PKDCC: variants seen among roughly 807,000 people sequenced by gnomAD.
PKDCC encodes extracellular tyrosine-protein kinase PKDCC.
A neutral mutation model predicts 44.7 loss-of-function variants in PKDCC; 35 were observed. The ratio of observed to expected loss-of-function variants is 0.78; its 90% CI spans 0.60 to 1.04. The LOEUF (loss-of-function observed/expected upper bound fraction) is 1.04. Ranked by LOEUF, PKDCC falls within the 50% of genes least tolerant of loss-of-function variation. The pLI, the probability that PKDCC is intolerant of heterozygous loss-of-function variation, is 0.00. For missense variants in PKDCC, 738 were observed against 672.7 expected, an observed-to-expected ratio of 1.10 and a Z score of -1.07; for synonymous variants, 353 against 303.3, an observed-to-expected ratio of 1.16 and a Z score of -1.70.
chr2:42,057,447 G>A, intron 6 of PKDCC, 53 bp downstream of exon 6: 1 of 1,607,414 alleles, frequency 6.2e-7, no homozygotes, highest in Non-Finnish European at 8.5e-7. Context: ...CTCTCTGGAG[G>A]TTGATAGATA....
Position 42,048,226 on chromosome 2 carries a change from C to T in PKDCC, c.27C>T (p.Ala9=), listed in dbSNP as rs1453942636. ...TGCGGCGCCGGCGGGCGGCAGTGGC[C>T]GCGGGTTTCTGCGCCTCCTTCCTGC... is the stretch of plus-strand genomic sequence containing the variant. The part of the protein sequence containing the change: MRRRRAAV[A]AGFCASFLLG... Residue 9 remains alanine, a synonymous_variant, in exon 1 of 7, where the codon GCC becomes GCT. Coordinates refer to ENST00000294964, the MANE Select transcript of PKDCC (RefSeq NM_138370.3). The surrounding 1 kb of genome is among the most constrained non-coding windows in gnomAD (Gnocchi z 6.2). 1 of 1,242,960 alleles carries T rather than the reference C, an allele frequency of 8.0e-7. No homozygotes were observed. The allele number at this position is 1,242,960 out of a possible 1,614,324, so 77.0% of individuals were successfully genotyped here. A position where few individuals can be genotyped will look rare whatever the true frequency, so the allele number is the denominator to read the frequency against.
chr2:42,054,299 T>C lies in PKDCC; in HGVS notation c.1026T>C (p.Asn342=), dbSNP rs371967754. 1.3e-4 allele frequency: 201 copies of C among 1,598,976 alleles called. No individual in the cohort carries two copies. Among genetic ancestry groups the C allele is most frequent in the Admixed American group, 7.2e-4 (42 of 58,710 alleles). Residue 342 remains asparagine, a synonymous_variant, in exon 3 of 7, where the codon AAT becomes AAC. Coordinates refer to ENST00000294964, the MANE Select transcript of PKDCC (RefSeq NM_138370.3). This position sits in a 1 kb window ranked among gnomAD's most constrained non-coding sequence, Gnocchi z 6.1. ...EGMNEKRNLY[N]AYRFFFTYLL... ...TGAACGAGAAGCGGAACCTCTATAA[T>C]GCCTACAGGTGACCTCCACCCCTGA...
rs1010318457 is a variant in PKDCC at position 42,048,787 on chromosome 2, G to A, written c.588G>A (p.Leu196=). Residue 196 remains leucine, a synonymous_variant, in exon 1 of 7, where the codon CTG becomes CTA. Coordinates refer to ENST00000294964, the MANE Select transcript of PKDCC (RefSeq NM_138370.3). The surrounding 1 kb of genome is among the most constrained non-coding windows in gnomAD (Gnocchi z 6.2). The part of the protein sequence containing the change: ...RGCYRLAAHK[L]LKEMVLLERL... The stretch of plus-strand genomic sequence containing the variant: ...GCTATCGGCTGGCGGCCCACAAGCT[G>A]CTTAAGGAGATGGTGCTGCTGGAGC... 6 of 1,505,082 alleles carry A rather than the reference G, an allele frequency of 4.0e-6. No homozygotes were observed. Among genetic ancestry groups the A allele is most frequent in the Non-Finnish European group, 5.4e-6 (6 of 1,119,722 alleles). The allele number at this position is 1,505,082 out of a possible 1,614,324, so 93.2% of individuals were successfully genotyped here. A position where few individuals can be genotyped will look rare whatever the true frequency, so the allele number is the denominator to read the frequency against.
In PKDCC at chr2:42,051,780, G is replaced by A. The variant is rs1200467434; in HGVS notation, c.640-1459G>A. Among the ~76,000 whole-genome samples the A allele has an allele frequency of 6.6e-6, 1 of 152,114 alleles. No homozygotes were observed. Among genetic ancestry groups the A allele is most frequent in the African/African-American group, 2.4e-5 (1 of 41,438 alleles). ...GCCCAAGAGTGAGGCCTTCCCCCAT[G>A]CCAGCAGGATGACGGGGAGCTGAGG... On this transcript the variant is annotated intron_variant, in intron 1 of 6. Coordinates refer to ENST00000294964, the MANE Select transcript of PKDCC (RefSeq NM_138370.3). This position sits in a 1 kb window ranked among gnomAD's most constrained non-coding sequence, Gnocchi z 4.2.
chr2:42,048,122 A>C lies in PKDCC; in HGVS notation c.-78A>C, dbSNP rs1261630837. 1 of 817,484 alleles carries C rather than the reference A, an allele frequency of 1.2e-6. No homozygotes were observed. The highest frequency in any genetic ancestry group is 2.3e-5 in the African/African-American group (1 of 43,476). The allele number at this position is 817,484 out of a possible 1,614,324, so 50.6% of individuals were successfully genotyped here. ...AGGGGGCCGGCGGGGCGCAGAGCGG[A>C]GCCGCCTCGGAGCCTGAGCCGCCCG... On this transcript the variant is annotated 5_prime_UTR_variant, in exon 1 of 7. Coordinates refer to ENST00000294964, the MANE Select transcript of PKDCC (RefSeq NM_138370.3). This position sits in a 1 kb window ranked among gnomAD's most constrained non-coding sequence, Gnocchi z 6.2.
chr2:42,053,190 T>TGC, intron 1 of PKDCC, 49 bp from the exon 2 acceptor site: 421 of 1,199,794 alleles, frequency 3.5e-4, no homozygotes, highest in Middle Eastern at 8.8e-4. Flanking sequence ...CCCTTCCCTG[T>TGC]CCCCACCCCC....
In PKDCC at chr2:42,053,222, C is replaced by A; in HGVS notation, c.640-17C>A. The A allele has an allele frequency of 6.3e-7, 1 of 1,579,918 alleles. No individual in the cohort carries two copies. The highest frequency in any genetic ancestry group is 1.1e-5 in the South Asian group (1 of 88,452). Reference sequence around the variant, plus strand: ...CCCCACCCTGTGACCTAATGACCTGCCCTCGGCTTTCCCCAGCTCTATGGC... The same window carrying A: ...CCCCACCCTGTGACCTAATGACCTGACCTCGGCTTTCCCCAGCTCTATGGC... On this transcript the variant is annotated splice_polypyrimidine_tract_variant and intron_variant, in intron 1 of 6. Coordinates refer to ENST00000294964, the MANE Select transcript of PKDCC (RefSeq NM_138370.3).
At chr2:42,057,504 G>T in intron 6 of PKDCC, 99 bp from the exon 7 acceptor site, 1 of 1,552,724 alleles carries the variant, frequency 6.4e-7, no homozygotes, top group East Asian at 2.3e-5. Flanking sequence ...TGATGAGAGA[G>T]AGGTATACGT....
Position 42,048,806 on chromosome 2 carries a change from C to T in PKDCC, c.607C>T (p.Leu203=). Residue 203 remains leucine, a synonymous_variant, in exon 1 of 7, where the codon CTG becomes TTG. Transcript: ENST00000294964. This position sits in a 1 kb window ranked among gnomAD's most constrained non-coding sequence, Gnocchi z 6.2. ...AHKLLKEMVL[L]ERLRHPNVLQ... is the part of the protein sequence containing the mutation. ...CAAGCTGCTTAAGGAGATGGTGCTG[C>T]TGGAGCGGCTGCGGCACCCCAACGT... is the stretch of plus-strand genomic sequence containing the variant. 6.8e-7 allele frequency: 1 copy of T among 1,475,632 alleles called. No homozygotes were observed. 91.4% of individuals were successfully genotyped at this position (1,475,632 alleles called of 1,614,324 possible).
intron 2 of PKDCC, among the ~76,000 whole-genome samples, chr2:42,053,789 T>C (rs529288528): frequency 6.6e-6 from 1 of 152,222 alleles, no homozygotes; most frequent in African/African-American, 2.4e-5. Context: ...CCCCAGACCC[T>C]CGCTGCTGCA....
At chr2:42,057,568 A>C in intron 6 of PKDCC, 35 bp from the exon 7 acceptor site, 1 of 1,605,218 alleles carries the variant, frequency 6.2e-7, no homozygotes, top group African/African-American at 1.3e-5. Context: ...AAAGAGAAAC[A>C]TCCAGCCCTG....
At chr2:42,053,611 G>A in intron 2 of PKDCC, 1 of 557,184 alleles carries the variant, frequency 1.8e-6, no homozygotes, top group East Asian at 3.1e-5. Flanking sequence ...TGTGGGGGCT[G>A]GCACCTTAAA....
intron 5 of PKDCC, among the ~76,000 whole-genome samples, chr2:42,056,060 G>A (rs1668048343): frequency 6.6e-6 from 1 of 152,172 alleles, no homozygotes. Flanking sequence ...TAGGGGTGGG[G>A]GAGCCCTGTT....
At position 42,048,861 on chromosome 2, in the gene PKDCC, G is replaced by T. The variant is rs763846436; in HGVS notation, c.639+23G>T. ...CAGGTACGAGGGTGGGGACGCGGGGGTAACGGTGTTGGCTGGGAGTGCCCA... is the reference window on the plus strand; with the variant it reads ...CAGGTACGAGGGTGGGGACGCGGGGTTAACGGTGTTGGCTGGGAGTGCCCA... On this transcript the variant is annotated intron_variant, in intron 1 of 6. Coordinates refer to ENST00000294964, the MANE Select transcript of PKDCC (RefSeq NM_138370.3). This position sits in a 1 kb window ranked among gnomAD's most constrained non-coding sequence, Gnocchi z 6.2. 6.9e-7 allele frequency: 1 copy of T among 1,454,814 alleles called. No homozygotes were observed. The allele number at this position is 1,454,814 out of a possible 1,614,324, so 90.1% of individuals were successfully genotyped here. A position where few individuals can be genotyped will look rare whatever the true frequency, so the allele number is the denominator to read the frequency against.
intron 5 of PKDCC, among the ~76,000 whole-genome samples, chr2:42,056,627 G>T (rs998648923): frequency 3.9e-5 from 6 of 152,060 alleles, no homozygotes; most frequent in African/African-American, 1.4e-4. Flanking sequence ...GGTTGGGCAT[G>T]GTGGCTTACA....
rs1668027430 is a variant in PKDCC, at chr2:42,054,895, T to C, written c.1035-46T>C. On this transcript the variant is annotated intron_variant, in intron 3 of 6. Transcript: ENST00000294964. This position sits in a 1 kb window ranked among gnomAD's most constrained non-coding sequence, Gnocchi z 6.1. Reference sequence around the variant, plus strand: ...CAGGTTGGAATAGAGGAAGGATGTGTCTCCAAAGGCTGGATTCCTGAGCCA... The same window carrying C: ...CAGGTTGGAATAGAGGAAGGATGTGCCTCCAAAGGCTGGATTCCTGAGCCA... 1 of 1,541,230 alleles carries C rather than the reference T, an allele frequency of 6.5e-7. No homozygotes were observed. Among genetic ancestry groups the C allele is most frequent in the Non-Finnish European group, 9.0e-7 (1 of 1,113,690 alleles).
chr2:42,057,434 G>A (rs370214068), intron 6 of PKDCC, 40 bp downstream of exon 6: 5 of 1,612,010 alleles, frequency 3.1e-6, no homozygotes, highest in Non-Finnish European at 4.2e-6. Flanking sequence ...GAGATGGCAG[G>A]ACCTCTCTGG....
rs1313875059 is a variant in PKDCC at position 42,054,743 on chromosome 2, T to C, written c.1035-198T>C. 3.3e-5 allele frequency: 21 copies of C among 645,838 alleles called. No individual in the cohort carries two copies. Among genetic ancestry groups the C allele is most frequent in the Non-Finnish European group, 5.5e-5 (20 of 360,508 alleles). 40.0% of individuals were successfully genotyped at this position (645,838 alleles called of 1,614,324 possible). On this transcript the variant is annotated intron_variant, in intron 3 of 6. Coordinates refer to ENST00000294964, the MANE Select transcript of PKDCC (RefSeq NM_138370.3). The surrounding 1 kb of genome is among the most constrained non-coding windows in gnomAD (Gnocchi z 6.1). ...GAAGCAGGCCCCTGGTTTCGGTTAG[T>C]ATGAAGTTAGGTGTGGTGTTAGCAT...
chr2:42,054,087 G>A lies in PKDCC; in HGVS notation c.814G>A (p.Gly272Ser). ...CCACCACCTGGCCCACTCCCCACTG[G>A]GCTCCGTCACTCTGCTGGACTTCCG... ...LLHHLAHSPL[G>S]SVTLLDFRPR... Residue 272 changes from glycine (G) to serine (S), a missense_variant, in exon 3 of 7, where the codon GGC becomes AGC. Physicochemically the swap from Gly to Ser is moderately conservative, Grantham distance 56. Transcript: ENST00000294964. This position sits in a 1 kb window ranked among gnomAD's most constrained non-coding sequence, Gnocchi z 6.1. 3.1e-6 allele frequency: 5 copies of A among 1,612,582 alleles called. No homozygotes were observed. Among genetic ancestry groups the A allele is most frequent in the Non-Finnish European group, 3.4e-6 (4 of 1,179,872 alleles).
Sources: gnomAD v4.1 joint callset for allele counts (sites outside exome capture counted in the v4.1 genomes callset) on GRCh38, gnomAD v4.1.1 for gene constraint, Gnocchi (gnomAD v3.1) non-coding constraint, MANE v1.5 for transcripts, NCBI Gene and HGNC (gene_info 2026-07-23, HGNC 2026-07-21) for gene names.